The following PIH1D2 variants were observed in gnomAD, a reference collection of about 807,000 sequenced individuals.
PIH1D2 encodes PIH1 domain-containing protein 2.
PIH1D2 carries 25 observed loss-of-function variants against 31.2 expected under a neutral mutation model. That is an observed-to-expected ratio of 0.80 (90% confidence interval 0.58 to 1.12). PIH1D2 has a LOEUF of 1.12. Ranked by LOEUF, PIH1D2 falls within the 50% of genes most tolerant of loss-of-function variation. The pLI is 0.00. For synonymous variants in PIH1D2, 116 were observed against 119.9 expected, an observed-to-expected ratio of 0.97 and a Z score of 0.21; for missense variants, 310 against 356.6, an observed-to-expected ratio of 0.87 and a Z score of 1.05.
downstream of PIH1D2, among the ~76,000 whole-genome samples, chr11:112,059,298 G>A (rs947304167): frequency 5.9e-5 from 9 of 152,010 alleles, no homozygotes; most frequent in African/African-American, 2.2e-4. Flanking sequence ...AGACGGCAGG[G>A]GATGTTAGAC....
In PIH1D2 at chr11:112,070,151, AGAACT is replaced by A. The variant is rs1555184347; in HGVS notation, c.813+280_813+284del. 1.6e-5 allele frequency: 9 copies of A among 570,194 alleles called. No homozygotes were observed. The Admixed American group carries it at 2.8e-4, about 18-fold the overall frequency. The allele number at this position is 570,194 out of a possible 1,614,324, so 35.3% of individuals were successfully genotyped here. ...ATACACTTCTCAGTCCTACTGATGT[AGAACT>A]GGCCTTGTGACTTACTTTGGCCAGT... On this transcript the variant is annotated intron_variant, in intron 5 of 5. Transcript: ENST00000280350.
the PIH1D2 span, among the ~76,000 whole-genome samples, chr11:112,057,257 A>G: frequency 6.6e-6 from 1 of 152,222 alleles, no homozygotes; most frequent in African/African-American, 2.4e-5. Context: ...ATGAGACACA[A>G]TAAAACTGAA....
downstream of PIH1D2, among the ~76,000 whole-genome samples, chr11:112,060,650 G>GGT (rs1269855716): frequency 1.3e-5 from 2 of 151,932 alleles, no homozygotes; most frequent in African/African-American, 4.8e-5. Context: ...GTTTTTAGTA[G>GGT]TGTCGGGGTT....
At chr11:112,063,146 G>A (rs1395645047), downstream of PIH1D2, 1 of 152,626 alleles carries the variant, frequency 6.6e-6, no homozygotes, top group Non-Finnish European at 1.5e-5. Context: ...ATTTTTCTAT[G>A]AATTCCTACA....
downstream of PIH1D2, chr11:112,062,852 C>G: frequency 3.0e-6 from 1 of 334,708 alleles, no homozygotes; most frequent in Non-Finnish European, 5.8e-6. Context: ...AATTGTGGTT[C>G]CCTAAAGACA....
chr11:112,073,220 G>A lies in PIH1D2; in HGVS notation c.-31-15C>T, dbSNP rs782177283. 6 of 1,470,822 alleles carry A rather than the reference G, an allele frequency of 4.1e-6. No individual in the cohort carries two copies. The highest frequency in any genetic ancestry group is 2.0e-5 in the Admixed American group (1 of 49,548). The allele number at this position is 1,470,822 out of a possible 1,614,324, so 91.1% of individuals were successfully genotyped here. A position where few individuals can be genotyped will look rare whatever the true frequency, so the allele number is the denominator to read the frequency against. On this transcript the variant is annotated splice_polypyrimidine_tract_variant and intron_variant, in intron 1 of 5. Coordinates refer to ENST00000280350, the MANE Select transcript of PIH1D2 (RefSeq NM_138789.4). The stretch of plus-strand genomic sequence containing the variant: ...TTTTCTTAAGCCTGTGGAAAAACAC[G>A]ACTTCAGGAAGAAAACTGTCTGTGT...
At chr11:112,062,648 T>C (rs1555183423), downstream of PIH1D2, 3 of 1,269,466 alleles carry the variant, frequency 2.4e-6, no homozygotes, top group Admixed American at 6.0e-5. Flanking sequence ...TTTTTATTAT[T>C]GAGTCTGTCC....
chr11:112,066,462 AC>A (rs1864930534), downstream of PIH1D2, among the ~76,000 whole-genome samples: 1 of 151,746 alleles, frequency 6.6e-6, no homozygotes, highest in African/African-American at 2.4e-5. Context: ...ACATGGAGAA[AC>A]CCTGTCTTTA....
At chr11:112,062,740 C>T (rs587672824), downstream of PIH1D2, 56 of 578,200 alleles carry the variant, frequency 9.7e-5, no homozygotes, top group Middle Eastern at 1.0e-3. Flanking sequence ...AATAATCAGA[C>T]ACCAGATTTT....
chr11:112,065,727 T>A (rs782776387), downstream of PIH1D2, among the ~76,000 whole-genome samples: 19 of 152,220 alleles, frequency 1.2e-4, no homozygotes, highest in Non-Finnish European at 2.2e-4. Flanking sequence ...ACGCCTGTAA[T>A]CCCAACACGT....
downstream of PIH1D2, chr11:112,060,033 A>G (rs147456178): frequency 5.6e-6 from 9 of 1,614,130 alleles, no homozygotes; most frequent in African/African-American, 5.3e-5. Context: ...AACCAAAGCA[A>G]GAGAGGGTAA....
In PIH1D2 at chr11:112,067,824, T is replaced by G; in HGVS notation, c.*47A>C. 6.2e-7 allele frequency: 1 copy of G among 1,600,760 alleles called. No individual in the cohort carries two copies. Among genetic ancestry groups the G allele is most frequent in the Non-Finnish European group, 8.5e-7 (1 of 1,175,764 alleles). Reference sequence around the variant, plus strand: ...TTAGCCAAAATGAAGGTCCTTTAATTCACATGACTTTAGCACTGAAAACCC... The same window carrying G: ...TTAGCCAAAATGAAGGTCCTTTAATGCACATGACTTTAGCACTGAAAACCC... On this transcript the variant is annotated 3_prime_UTR_variant, in exon 6 of 6. Transcript: ENST00000280350.
At chr11:112,056,480 T>C in the PIH1D2 span, among the ~76,000 whole-genome samples, 4 of 152,198 alleles carry the variant, frequency 2.6e-5, no homozygotes, top group African/African-American at 9.7e-5. Flanking sequence ...CTTAACGAAA[T>C]GTTTTTGAGA....
the PIH1D2 span, among the ~76,000 whole-genome samples, chr11:112,052,683 G>A: frequency 3.9e-5 from 6 of 152,002 alleles, no homozygotes; most frequent in Non-Finnish European, 7.4e-5. Flanking sequence ...TCTTAATAGA[G>A]GGGGCTGGGG....
chr11:112,058,356 G>T (rs1356879997), downstream of PIH1D2, among the ~76,000 whole-genome samples: 1 of 152,134 alleles, frequency 6.6e-6, no homozygotes, highest in African/African-American at 2.4e-5. Flanking sequence ...ATTAGAGCAG[G>T]TTCCTGTGTT....
downstream of PIH1D2, chr11:112,061,039 G>T: frequency 2.5e-6 from 4 of 1,590,228 alleles, no homozygotes; most frequent in South Asian, 1.1e-5. Flanking sequence ...TTCCTCTAGG[G>T]TGGCACTTTT....
chr11:112,063,689 A>G (rs1245764000), downstream of PIH1D2: 1 of 152,436 alleles, frequency 6.6e-6, no homozygotes, highest in African/African-American at 2.4e-5. Context: ...TTGGAGAGAA[A>G]AAATTAACTA....
downstream of PIH1D2, chr11:112,062,757 T>G: frequency 3.9e-6 from 2 of 517,142 alleles, no homozygotes; most frequent in Non-Finnish European, 6.9e-6. Flanking sequence ...TTTTTAGCTC[T>G]GTACTCCTAA....
rs1469943729 is a variant in PIH1D2, at chr11:112,071,253, T to C, written c.332A>G (p.Asn111Ser). 6.2e-7 allele frequency: 1 copy of C among 1,613,586 alleles called. No individual in the cohort carries two copies. Among genetic ancestry groups the C allele is most frequent in the African/African-American group, 1.3e-5 (1 of 74,922 alleles). Residue 111 changes from asparagine (N) to serine (S), a missense_variant, in exon 4 of 6, where the codon AAT becomes AGT. By Grantham distance (46) the Asn-to-Ser change is conservative. Coordinates refer to ENST00000280350, the MANE Select transcript of PIH1D2 (RefSeq NM_138789.4). The part of the protein sequence containing the change: ...DAYTVIDVAY[N>S]PDVLHAAEKD... ...TTCTGCTGCATGAAGAACATCAGGA[T>C]TGTAGGCAACATCAATGACTGTGTA...
Sources: allele counts gnomAD v4.1 joint callset (sites outside exome capture counted in the v4.1 genomes callset), GRCh38; gene constraint gnomAD v4.1.1; transcripts MANE v1.5; gene names NCBI Gene and HGNC (gene_info 2026-07-23, HGNC 2026-07-21).